The following TRHDE variants were observed in gnomAD, a reference collection of about 807,000 sequenced individuals.
TRHDE encodes the protein thyrotropin releasing hormone degrading enzyme.
Under a neutral mutation model 125.7 loss-of-function variants are expected in TRHDE, and 72 were observed. The ratio of observed to expected loss-of-function variants is 0.57; its 90% CI spans 0.47 to 0.70. TRHDE has a LOEUF of 0.70. Ranked by LOEUF, TRHDE falls within the 30% of genes least tolerant of loss-of-function variation. The pLI, the probability that TRHDE is intolerant of heterozygous loss-of-function variation, is 0.00. For synonymous variants in TRHDE, 509 were observed against 509.1 expected (o/e 1.00, Z 0.00); for missense variants, 1,110 against 1,327.1 (o/e 0.84, Z 2.54).
At position 72,273,677 on chromosome 12, in the gene TRHDE, G is replaced by A; in HGVS notation, c.914+120G>A. 1.0e-6 allele frequency: 1 copy of A among 978,398 alleles called. No individual in the cohort carries two copies. The highest frequency in any genetic ancestry group is 1.5e-6 in the Non-Finnish European group (1 of 662,098). 60.6% of individuals were successfully genotyped at this position (978,398 alleles called of 1,614,324 possible). A position where few individuals can be genotyped will look rare whatever the true frequency, so the allele number is the denominator to read the frequency against. On this transcript the variant is annotated intron_variant, in intron 1 of 18. Coordinates refer to ENST00000261180, the MANE Select transcript of TRHDE (RefSeq NM_013381.3). This position sits in a 1 kb window ranked among gnomAD's most constrained non-coding sequence, Gnocchi z 5.3. ...ATACCCGGGAAGCCAGGGGTGGGGG[G>A]AAGGAAACGAAAGCGGAGTAGGGCA... is the stretch of plus-strand genomic sequence containing the variant.
chr12:72,450,485 A>T (rs1875517507), intron 3 of TRHDE, among the ~76,000 whole-genome samples: 1 of 152,108 alleles, frequency 6.6e-6, no homozygotes, highest in African/African-American at 2.4e-5. Context: ...ACATCGTGGA[A>T]TGGCTAAGTC....
chr12:72,620,338 C>CAAAAAAAAAA (rs3080963), intron 13 of TRHDE, among the ~76,000 whole-genome samples: 2 of 67,478 alleles, frequency 3.0e-5, no homozygotes, highest in African/African-American at 4.2e-5. Context: ...CCCATCTCTA[C>CAAAAAAAAAA]AAAAAAAAAA....
chr12:72,275,480 A>G (rs951340594), intron 1 of TRHDE, among the ~76,000 whole-genome samples: 15 of 152,202 alleles, frequency 9.9e-5, no homozygotes, highest in African/African-American at 3.4e-4. Flanking sequence ...TACAGATTAA[A>G]AATATTTTTT....
At chr12:72,640,905 G>A (rs1213484506) in intron 15 of TRHDE, among the ~76,000 whole-genome samples, 1 of 152,188 alleles carries the variant, frequency 6.6e-6, no homozygotes, top group Non-Finnish European at 1.5e-5. Context: ...AAAGAATGAG[G>A]TGCTCTTAGA....
At chr12:72,095,053 C>T (rs1043863288) in intron 1 of TRHDE, among the ~76,000 whole-genome samples, 1 of 152,198 alleles carries the variant, frequency 6.6e-6, no homozygotes, top group South Asian at 2.1e-4. Context: ...AGAAATTTCT[C>T]AAGAACATAC....
chr12:72,313,144 C>G (rs532230570), intron 2 of TRHDE, among the ~76,000 whole-genome samples: 1 of 151,956 alleles, frequency 6.6e-6, no homozygotes, highest in Non-Finnish European at 1.5e-5. Flanking sequence ...AACAACTGGG[C>G]CAGATAAATA....
At chr12:72,302,627 C>T (rs914310333) in intron 2 of TRHDE, among the ~76,000 whole-genome samples, 5 of 152,000 alleles carry the variant, frequency 3.3e-5, no homozygotes, top group Admixed American at 2.0e-4. Flanking sequence ...TCAGGTGATC[C>T]GACTGCAGAG....
chr12:72,228,547 TC>T (rs887313742), intron 2 of TRHDE, among the ~76,000 whole-genome samples: 10 of 152,208 alleles, frequency 6.6e-5, no homozygotes, highest in Non-Finnish European at 1.3e-4. Context: ...GGAGACATTT[TC>T]CCCATTGTCT....
chr12:72,516,246 A>T (rs11179232), intron 6 of TRHDE, among the ~76,000 whole-genome samples: 59,451 of 150,650 alleles, frequency 0.39, 14,154 homozygotes, highest in African/African-American at 0.66. Context: ...GTATGGCCAT[A>T]TTCATGGTAT....
intron 12 of TRHDE, among the ~76,000 whole-genome samples, chr12:72,600,157 C>G (rs1872151118): frequency 6.6e-6 from 1 of 151,812 alleles, no homozygotes; most frequent in Non-Finnish European, 1.5e-5. Context: ...TAGATTTGGT[C>G]TTATAGTATA....
chr12:72,106,100 G>T (rs1413677067), intron 2 of TRHDE, among the ~76,000 whole-genome samples: 1 of 152,114 alleles, frequency 6.6e-6, no homozygotes, highest in African/African-American at 2.4e-5. Flanking sequence ...TCAGGAGGCT[G>T]CCTGCAACAT....
intron 18 of TRHDE, among the ~76,000 whole-genome samples, chr12:72,660,694 T>C (rs1025987015): frequency 1.3e-5 from 2 of 152,216 alleles, no homozygotes; most frequent in African/African-American, 2.4e-5. Flanking sequence ...TGATCATCTC[T>C]GTATCTAATT....
intron 5 of TRHDE, among the ~76,000 whole-genome samples, chr12:72,494,794 C>T (rs147008760): frequency 1.3e-5 from 2 of 152,094 alleles, no homozygotes; most frequent in South Asian, 2.1e-4. Context: ...ATATGAAATG[C>T]TAATATTGTA....
rs201155355 is a variant in TRHDE at position 72,193,804 on chromosome 12, A to C, written n.279+88052A>C. ...GATATGTTTTCTCAGTCTCCATTCT[A>C]TGGAAATTTTCCATTTTGGATAATA... On this transcript the variant is annotated intron_variant and non_coding_transcript_variant, in intron 2 of 4. Transcript: ENST00000548156. Among the ~76,000 whole-genome samples the C allele has an allele frequency of 4.6e-5, 7 of 152,284 alleles. No homozygotes were observed. In the East Asian group the frequency reaches 1.2e-3, roughly 25 times the overall value.
At chr12:72,295,231 C>T (rs984199869) in intron 2 of TRHDE, among the ~76,000 whole-genome samples, 5 of 151,916 alleles carry the variant, frequency 3.3e-5, no homozygotes, top group Non-Finnish European at 5.9e-5. Flanking sequence ...GTGGTTTGGG[C>T]GGCTGCAGCA....
intron 2 of TRHDE, among the ~76,000 whole-genome samples, chr12:72,156,911 A>C (rs1240583499): frequency 6.6e-6 from 1 of 152,124 alleles, no homozygotes; most frequent in African/African-American, 2.4e-5. Context: ...CACATAATAG[A>C]ATGTTTGGTA....
At chr12:72,292,831 T>G (rs572496470) in intron 2 of TRHDE, among the ~76,000 whole-genome samples, 41 of 152,314 alleles carry the variant, frequency 2.7e-4, no homozygotes, top group South Asian at 8.3e-4. Context: ...CAAATCAATA[T>G]TGCTGAATAA....
chr12:72,238,309 T>TATACACATA (rs1555170262), intron 2 of TRHDE, among the ~76,000 whole-genome samples: 1 of 33,434 alleles, frequency 3.0e-5, no homozygotes, highest in African/African-American at 1.0e-4. Context: ...TATATATATA[T>TATACACATA]ATATATATAT....
chr12:72,138,635 G>A (rs151243766), intron 2 of TRHDE, among the ~76,000 whole-genome samples: 2 of 152,292 alleles, frequency 1.3e-5, no homozygotes, highest in Non-Finnish European at 2.9e-5. Flanking sequence ...CCCATCTACT[G>A]CTATTAATAA....
Sources: gnomAD v4.1 joint callset for allele counts (sites outside exome capture counted in the v4.1 genomes callset) on GRCh38, gnomAD v4.1.1 for gene constraint, Gnocchi (gnomAD v3.1) non-coding constraint, MANE v1.5 for transcripts, NCBI Gene and HGNC (gene_info 2026-07-23, HGNC 2026-07-21) for gene names.